The following ULK4 variants were observed in gnomAD, a reference collection of about 807,000 sequenced individuals.
The protein encoded by ULK4 is unc-51 like kinase 4.
A neutral mutation model predicts 160.6 loss-of-function variants in ULK4; 133 were observed. The observed-to-expected ratio is 0.83, with a 90% CI of 0.72 to 0.96. The LOEUF is 0.96. Among genes scored for constraint, ULK4 ranks in the 40% least tolerant of loss-of-function variants. The probability of loss-of-function intolerance (pLI) is 0.00; values close to 1 mark genes in which losing one functional copy is unlikely to be tolerated. For synonymous variants in ULK4, 534 were observed against 539.8 expected (o/e 0.99, Z 0.15); for missense variants, 1,580 against 1,499.5 (o/e 1.05, Z -0.89).
chr3:41,589,700 A>G (rs958746903), intron 31 of ULK4, among the ~76,000 whole-genome samples: 1 of 152,216 alleles, frequency 6.6e-6, no homozygotes, highest in Non-Finnish European at 1.5e-5. Context: ...AAAATAATCT[A>G]AAAGTAACTT....
In ULK4 at chr3:41,457,906, G is replaced by A. The variant is rs557616383; in HGVS notation, c.3394-2311C>T. 3.3e-5 allele frequency among the ~76,000 whole-genome samples: 5 copies of A among 152,318 alleles called. No individual in the cohort carries two copies. The South Asian group carries it at 1.0e-3, about 32-fold the overall frequency. On this transcript the variant is annotated intron_variant, in intron 33 of 36. Transcript: ENST00000301831. The stretch of plus-strand genomic sequence containing the variant: ...CCCAGGCGATAGAGGATGCTAGCCT[G>A]GGCTAGGGTGATAGCAGCAGGGTTT...
At chr3:41,745,259 C>A (rs1297239491) in intron 22 of ULK4, among the ~76,000 whole-genome samples, 1 of 151,210 alleles carries the variant, frequency 6.6e-6, no homozygotes, top group East Asian at 1.9e-4. Flanking sequence ...GTCACTCAAT[C>A]TCTAGCAAAA....
At chr3:41,411,759 A>C (rs1157219203) in intron 34 of ULK4, among the ~76,000 whole-genome samples, 4 of 152,008 alleles carry the variant, frequency 2.6e-5, no homozygotes, top group African/African-American at 9.7e-5. Flanking sequence ...TAACTCTTTC[A>C]ACCAATTGCC....
chr3:41,330,095 G>A (rs1000998791), intron 35 of ULK4, among the ~76,000 whole-genome samples: 6 of 152,118 alleles, frequency 3.9e-5, no homozygotes, highest in Admixed American at 6.6e-5. Flanking sequence ...TCCTGCTGTC[G>A]CTGAGCTTTC....
At chr3:41,874,861 A>G (rs1277762448) in intron 17 of ULK4, among the ~76,000 whole-genome samples, 1 of 152,232 alleles carries the variant, frequency 6.6e-6, no homozygotes, top group East Asian at 1.9e-4. Context: ...GAAATAAAAA[A>G]TATATATTAA....
chr3:41,441,737 T>C (rs1300659313), intron 34 of ULK4, among the ~76,000 whole-genome samples: 1 of 152,130 alleles, frequency 6.6e-6, no homozygotes, highest in African/African-American at 2.4e-5. Flanking sequence ...AAGGCTACCA[T>C]TCCCTTGCTG....
intron 32 of ULK4, among the ~76,000 whole-genome samples, chr3:41,541,018 A>C (rs1250226462): frequency 6.6e-6 from 1 of 152,084 alleles, no homozygotes; most frequent in East Asian, 1.9e-4. Flanking sequence ...GTGTGTGCAG[A>C]AGCTCTTTAG....
intron 33 of ULK4, 116 bp from the exon 34 acceptor site, chr3:41,455,711 G>C: frequency 1.2e-6 from 1 of 815,196 alleles, no homozygotes; most frequent in Non-Finnish European, 2.0e-6. Flanking sequence ...TTCTACCTCA[G>C]TTCCCAAGGA....
chr3:41,823,227 C>T (rs972415554), intron 18 of ULK4, among the ~76,000 whole-genome samples: 12 of 152,044 alleles, frequency 7.9e-5, no homozygotes, highest in Admixed American at 7.9e-4. Context: ...ATATTAGAAG[C>T]AGGAGAAACA....
intron 29 of ULK4, among the ~76,000 whole-genome samples, chr3:41,667,693 C>G (rs1393834771): frequency 2.6e-5 from 4 of 152,178 alleles, no homozygotes; most frequent in Admixed American, 6.6e-5. Context: ...AGTACCCTGT[C>G]CAGACAGTAT....
chr3:41,504,170 A>G (rs1287139393), intron 32 of ULK4, among the ~76,000 whole-genome samples: 1 of 152,102 alleles, frequency 6.6e-6, no homozygotes, highest in African/African-American at 2.4e-5. Context: ...CTGCTCAAAT[A>G]TCAACATAAA....
intron 32 of ULK4, among the ~76,000 whole-genome samples, chr3:41,463,752 G>A (rs1378479689): frequency 6.6e-6 from 1 of 152,104 alleles, no homozygotes; most frequent in Non-Finnish European, 1.5e-5. Context: ...CCATCCCTTT[G>A]TCTCTGCAAA....
chr3:41,632,551 CATAAAG>C (rs1288357958), intron 30 of ULK4, among the ~76,000 whole-genome samples: 3 of 151,962 alleles, frequency 2.0e-5, no homozygotes, highest in Admixed American at 6.6e-5. Flanking sequence ...AGGATAGATA[CATAAAG>C]ATAAAGATCT....
chr3:41,413,404 G>A (rs536122068), intron 34 of ULK4, among the ~76,000 whole-genome samples: 2 of 152,138 alleles, frequency 1.3e-5, no homozygotes, highest in Non-Finnish European at 2.9e-5. Flanking sequence ...TTGGGGAAAG[G>A]TTTAATAGGC....
intron 22 of ULK4, among the ~76,000 whole-genome samples, chr3:41,747,578 C>T (rs1023300022): frequency 6.6e-6 from 1 of 151,952 alleles, no homozygotes; most frequent in Non-Finnish European, 1.5e-5. Flanking sequence ...ATGTTGAAGC[C>T]CTAACCCTCA....
In ULK4 at chr3:41,669,093, G is replaced by T. The variant is rs2035445203; in HGVS notation, c.2979-5394C>A. 1.3e-5 allele frequency among the ~76,000 whole-genome samples: 2 copies of T among 152,174 alleles called. 1 individual carries two copies. Among genetic ancestry groups the T allele is most frequent in the South Asian group, 4.1e-4 (2 of 4,830 alleles). On this transcript the variant is annotated intron_variant, in intron 29 of 36. Transcript: ENST00000301831. ...GGCCAAGAAGCATCGGGAAGAAATG[G>T]TCTACTTCATCAACATCTGGAGGAA...
chr3:41,328,791 G>A (rs896682018), intron 35 of ULK4, among the ~76,000 whole-genome samples: 1 of 152,144 alleles, frequency 6.6e-6, no homozygotes, highest in Non-Finnish European at 1.5e-5. Flanking sequence ...AGGAGAGAAA[G>A]CCCCACGGAG....
At chr3:41,369,324 C>G (rs1426591948) in intron 35 of ULK4, among the ~76,000 whole-genome samples, 1 of 151,998 alleles carries the variant, frequency 6.6e-6, no homozygotes, top group East Asian at 1.9e-4. Context: ...AAAACCTTGA[C>G]TCCACTAAAA....
chr3:41,599,854 C>T (rs1256373865), intron 31 of ULK4, among the ~76,000 whole-genome samples: 3 of 151,774 alleles, frequency 2.0e-5, no homozygotes, highest in Admixed American at 6.6e-5. Flanking sequence ...CGTGAGCCAC[C>T]GTGCCTGGCA....
Sources: gnomAD v4.1 joint callset for allele counts (sites outside exome capture counted in the v4.1 genomes callset) on GRCh38, gnomAD v4.1.1 for gene constraint, MANE v1.5 for transcripts, NCBI Gene and HGNC (gene_info 2026-07-23, HGNC 2026-07-21) for gene names.